Variants in ARHGEF33 observed in about 807,000 individuals in gnomAD.
The protein encoded by ARHGEF33 is Rho guanine nucleotide exchange factor 33, also known as DH and coiled-coil domain-containing protein ENSP00000381780.
A neutral mutation model predicts 101.9 loss-of-function variants in ARHGEF33; 72 were observed. The observed-to-expected ratio is 0.71, with a 90% CI of 0.58 to 0.86. ARHGEF33 has a LOEUF of 0.86. Ranked by LOEUF, ARHGEF33 falls within the 40% of genes least tolerant of loss-of-function variation. The probability of loss-of-function intolerance (pLI) is 0.00; values close to 1 mark genes in which losing one functional copy is unlikely to be tolerated. For synonymous variants in ARHGEF33, 499 were observed against 442.5 expected, an observed-to-expected ratio of 1.13 and a Z score of -1.60; for missense variants, 1,169 against 1,111.3, an observed-to-expected ratio of 1.05 and a Z score of -0.74.
intron 10 of ARHGEF33, among the ~76,000 whole-genome samples, chr2:38,949,554 A>G (rs413431): frequency 0.79 from 120,072 of 151,406 alleles, 50,016 homozygotes; most frequent in Non-Finnish European, 0.91. Flanking sequence ...TGAAAAAGGG[A>G]AAAAAAAGAA....
intron 14 of ARHGEF33, 132 bp downstream of exon 14, chr2:38,957,179 G>C: frequency 6.9e-5 from 76 of 1,095,454 alleles, no homozygotes; most frequent in Middle Eastern, 2.3e-4. Context: ...GAAGGGGAGA[G>C]AAAGAGCTAG....
In ARHGEF33 at chr2:38,937,329, C is replaced by T; in HGVS notation, c.566-6C>T. The T allele has an allele frequency of 3.4e-6, 2 of 583,424 alleles. No homozygotes were observed. Among genetic ancestry groups the T allele is most frequent in the Non-Finnish European group, 5.9e-6 (2 of 339,204 alleles). The allele number at this position is 583,424 out of a possible 1,614,324, so 36.1% of individuals were successfully genotyped here. A position where few individuals can be genotyped will look rare whatever the true frequency, so the allele number is the denominator to read the frequency against. ...TGTTTCCCCGCCCCTCCCCCCACCC[C>T]ACCAGGAGTGAACCCAACAACTCCA... On this transcript the variant is annotated splice_region_variant and splice_polypyrimidine_tract_variant and intron_variant, in intron 8 of 17. Coordinates refer to ENST00000409978, the MANE Select transcript of ARHGEF33 (RefSeq NM_001145451.5).
At chr2:38,915,091 A>G (rs891295149) in intron 2 of ARHGEF33, among the ~76,000 whole-genome samples, 6 of 152,080 alleles carry the variant, frequency 3.9e-5, no homozygotes, top group Non-Finnish European at 7.4e-5. Context: ...GCCTCAAGCA[A>G]TCCTCCATCC....
chr2:38,973,896 A>G lies in ARHGEF33; in HGVS notation c.*53A>G. The G allele has an allele frequency of 1.4e-6, 2 of 1,426,514 alleles. No homozygotes were observed. The highest frequency in any genetic ancestry group is 1.9e-6 in the Non-Finnish European group (2 of 1,071,830). The allele number at this position is 1,426,514 out of a possible 1,614,324, so 88.4% of individuals were successfully genotyped here. A position where few individuals can be genotyped will look rare whatever the true frequency, so the allele number is the denominator to read the frequency against. On this transcript the variant is annotated 3_prime_UTR_variant, in exon 18 of 18. Coordinates refer to ENST00000409978, the MANE Select transcript of ARHGEF33 (RefSeq NM_001145451.5). The stretch of plus-strand genomic sequence containing the variant: ...GGTAAGATGAGGATAAAAAGCTTGT[A>G]TATATCTGTGTAGGAATATATATAT...
At chr2:38,943,802 A>T in intron 9 of ARHGEF33, 99 bp from the exon 10 acceptor site, 8 of 1,207,710 alleles carry the variant, frequency 6.6e-6, no homozygotes, top group African/African-American at 6.3e-5. Flanking sequence ...TTTTTTTTTT[A>T]TTGCTTTCAA....
chr2:38,966,219 T>G lies in ARHGEF33; in HGVS notation c.2483+74T>G, dbSNP rs1668049714. The G allele has an allele frequency of 2.0e-6, 3 of 1,503,014 alleles. No individual in the cohort carries two copies. In the South Asian group the frequency reaches 4.0e-5, roughly 20 times the overall value. 93.1% of individuals were successfully genotyped at this position (1,503,014 alleles called of 1,614,324 possible). On this transcript the variant is annotated intron_variant, in intron 17 of 17. Coordinates refer to ENST00000409978, the MANE Select transcript of ARHGEF33 (RefSeq NM_001145451.5). The stretch of plus-strand genomic sequence containing the variant: ...CTAAATCTTGAGGTTTTAACAATAA[T>G]AAGTATCAAGTAGCCTGGTCTCACA...
At chr2:38,904,694 C>T (rs193153190) in intron 2 of ARHGEF33, among the ~76,000 whole-genome samples, 3 of 117,360 alleles carry the variant, frequency 2.6e-5, no homozygotes, top group African/African-American at 6.0e-5. Flanking sequence ...GGAGACGGAG[C>T]GAGACTCTGT....
chr2:38,922,689 T>C (rs952812667), intron 4 of ARHGEF33, among the ~76,000 whole-genome samples: 1 of 152,180 alleles, frequency 6.6e-6, no homozygotes, highest in Non-Finnish European at 1.5e-5. Context: ...TTGATTTTTA[T>C]GTGTCCACAG....
In ARHGEF33 at chr2:38,892,422, T is replaced by TCC. The variant is rs34397711; in HGVS notation, c.-159+2436_-159+2437insCC. Reference sequence around the variant, plus strand: ...TGATGCCTAAAGGTGGGTAAACAGATAACTGGGGAAAAGTAGAAAAACCTA... The same window carrying TCC: ...TGATGCCTAAAGGTGGGTAAACAGATCCAACTGGGGAAAAGTAGAAAAACCTA... On this transcript the variant is annotated intron_variant, in intron 1 of 17. Coordinates refer to ENST00000409978, the MANE Select transcript of ARHGEF33 (RefSeq NM_001145451.5). 9.9e-3 allele frequency among the ~76,000 whole-genome samples: 318 copies of TCC among 32,138 alleles called. 1 individual carries two copies. The highest frequency in any genetic ancestry group is 0.027 in the South Asian group (11 of 408). The allele number at this position is 32,138 out of a possible 152,430, so 21.1% of individuals were successfully genotyped here.
At chr2:38,954,296 C>A in intron 12 of ARHGEF33, 77 bp from the exon 13 acceptor site, 2 of 834,356 alleles carry the variant, frequency 2.4e-6, no homozygotes, top group Non-Finnish European at 4.0e-6. Flanking sequence ...CCTTCCTACC[C>A]TGGTGGGACT....
At chr2:38,935,051 A>G (rs1667099184) in intron 7 of ARHGEF33, among the ~76,000 whole-genome samples, 2 of 149,834 alleles carry the variant, frequency 1.3e-5, no homozygotes. Context: ...GTGCAGTTAA[A>G]AAAAAAAAAA....
At chr2:38,959,706 G>A in intron 15 of ARHGEF33, 135 bp from the exon 16 acceptor site, 1 of 1,002,578 alleles carries the variant, frequency 1.0e-6, no homozygotes, top group South Asian at 1.9e-5. Context: ...GAGCGCCTTA[G>A]TGGAAGTTTG....
intron 2 of ARHGEF33, among the ~76,000 whole-genome samples, chr2:38,909,047 T>C (rs1257513781): frequency 6.6e-6 from 1 of 152,144 alleles, no homozygotes; most frequent in African/African-American, 2.4e-5. Context: ...TGCCAGGAGC[T>C]GGAGACAGAA....
chr2:38,950,782 A>G (rs1667580131), intron 10 of ARHGEF33, among the ~76,000 whole-genome samples: 1 of 152,096 alleles, frequency 6.6e-6, no homozygotes, highest in South Asian at 2.1e-4. Context: ...CCATTAGTAA[A>G]GGTTTTTTTT....
At chr2:38,955,936 T>C (rs1667742363) in intron 13 of ARHGEF33, among the ~76,000 whole-genome samples, 1 of 152,148 alleles carries the variant, frequency 6.6e-6, no homozygotes, top group Non-Finnish European at 1.5e-5. Flanking sequence ...CCCAAAGTGC[T>C]GGGATGACAG....
intron 4 of ARHGEF33, among the ~76,000 whole-genome samples, chr2:38,925,206 G>C (rs566380215): frequency 1.3e-5 from 2 of 152,260 alleles, no homozygotes; most frequent in African/African-American, 4.8e-5. Flanking sequence ...ATGAAATTTG[G>C]AATGATTCTA....
In ARHGEF33 at chr2:38,960,489, G is replaced by A. The variant is rs1174912978; in HGVS notation, c.2184G>A (p.Thr728=). 4.6e-5 allele frequency: 65 copies of A among 1,397,914 alleles called. No homozygotes were observed. The highest frequency in any genetic ancestry group is 1.2e-4 in the Admixed American group (4 of 32,208). The allele number at this position is 1,397,914 out of a possible 1,614,324, so 86.6% of individuals were successfully genotyped here. A position where few individuals can be genotyped will look rare whatever the true frequency, so the allele number is the denominator to read the frequency against. ...ADGVAPRLYS[T]RSSSGGRAPI... is the part of the protein sequence containing the mutation. The stretch of plus-strand genomic sequence containing the variant: ...GCGTGGCCCCACGCCTCTACAGCAC[G>A]CGCAGCAGCAGCGGCGGCCGCGCGC... Residue 728 remains threonine, a synonymous_variant, in exon 16 of 18, where the codon ACG becomes ACA. Coordinates refer to ENST00000409978, the MANE Select transcript of ARHGEF33 (RefSeq NM_001145451.5).
At chr2:38,895,229 G>A (rs569277445) in intron 1 of ARHGEF33, among the ~76,000 whole-genome samples, 15 of 152,288 alleles carry the variant, frequency 9.8e-5, no homozygotes, top group South Asian at 2.1e-4. Context: ...CAAACTGCCC[G>A]TACTGCAGCA....
At chr2:38,932,253 C>G (rs544421728) in intron 7 of ARHGEF33, among the ~76,000 whole-genome samples, 3 of 152,172 alleles carry the variant, frequency 2.0e-5, no homozygotes, top group African/African-American at 7.2e-5. Context: ...CTCTGCCTCC[C>G]AAGCAGCTGG....
Sources: gnomAD v4.1 joint callset for allele counts (sites outside exome capture counted in the v4.1 genomes callset) on GRCh38, gnomAD v4.1.1 for gene constraint, MANE v1.5 for transcripts, NCBI Gene and HGNC (gene_info 2026-07-23, HGNC 2026-07-21) for gene names.